ISG20: variants seen among roughly 807,000 people sequenced by gnomAD.
ISG20 encodes the protein interferon stimulated exonuclease gene 20, also known as interferon-stimulated gene 20 kDa protein.
A neutral mutation model predicts 11.1 loss-of-function variants in ISG20; 8 were observed. The ratio of observed to expected loss-of-function variants is 0.72; its 90% CI spans 0.42 to 1.30. The LOEUF (loss-of-function observed/expected upper bound fraction) is 1.30. Among genes scored for constraint, ISG20 ranks in the 50% most tolerant of loss-of-function variants. The pLI is 0.01. For synonymous variants in ISG20, 110 were observed against 101.7 expected (o/e 1.08, Z -0.49); for missense variants, 243 against 250.2 (o/e 0.97, Z 0.19).
At position 88,655,466 on chromosome 15, in the gene ISG20, C is replaced by T. The variant is rs768014767; in HGVS notation, c.481C>T (p.Leu161Phe). Residue 161 changes from leucine to phenylalanine, a missense_variant, in exon 4 of 4, where the codon CTC becomes TTC. By Grantham distance (22) the Leu-to-Phe change is conservative. Transcript: ENST00000306072. ...SVEDARATME[L>F]YQISQRIRAR... Reference sequence around the variant, plus strand: ...GGAAGATGCGAGGGCAACGATGGAGCTCTATCAAATCTCCCAGAGAATCCG... The same window carrying T: ...GGAAGATGCGAGGGCAACGATGGAGTTCTATCAAATCTCCCAGAGAATCCG... 3.7e-6 allele frequency: 6 copies of T among 1,613,912 alleles called. No individual in the cohort carries two copies. The highest frequency in any genetic ancestry group is 1.1e-5 in the South Asian group (1 of 91,088).
At chr15:88,653,523 C>T (rs2141407778) in intron 3 of ISG20, among the ~76,000 whole-genome samples, 1 of 152,248 alleles carries the variant, frequency 6.6e-6, no homozygotes, top group Middle Eastern at 3.4e-3. Flanking sequence ...ACATAAGGCA[C>T]ATAAGGGCCA....
chr15:88,636,399 A>C (rs565954211), upstream of ISG20: 1 of 152,310 alleles, frequency 6.6e-6, no homozygotes, highest in East Asian at 1.9e-4. Context: ...CACTTGAAAA[A>C]CAGTTCAGCT....
chr15:88,639,038 A>G lies in ISG20; in HGVS notation c.-63A>G, dbSNP rs2058032029. 2.3e-6 allele frequency: 1 copy of G among 436,628 alleles called. No individual in the cohort carries two copies. The highest frequency in any genetic ancestry group is 4.2e-6 in the Non-Finnish European group (1 of 240,776). The allele number at this position is 436,628 out of a possible 1,614,324, so 27.0% of individuals were successfully genotyped here. ...GCTGCAGTAGCTGAGCAGTGGCAGC[A>G]GAGAGGCAGACGTGAGCTGAGGGCG... On this transcript the variant is annotated 5_prime_UTR_variant, in exon 1 of 4. Transcript: ENST00000306072. This position sits in a 1 kb window ranked among gnomAD's most constrained non-coding sequence, Gnocchi z 4.2.
upstream of ISG20, chr15:88,637,386 A>T (rs1464615844): frequency 6.7e-6 from 1 of 149,952 alleles, no homozygotes. Flanking sequence ...TCTTGAGCAG[A>T]GAAGTGCCTC....
chr15:88,655,559 C>T lies in ISG20; in HGVS notation c.*28C>T. 1.3e-6 allele frequency: 2 copies of T among 1,549,740 alleles called. No homozygotes were observed. Among genetic ancestry groups the T allele is most frequent in the South Asian group, 2.3e-5 (2 of 86,650 alleles). ...CCCCATCCAGCCCGTTCCGCAGGGA[C>T]TAGAGGCTTTCGGCTTTTTGGGACA... On this transcript the variant is annotated 3_prime_UTR_variant, in exon 4 of 4. Transcript: ENST00000306072.
chr15:88,653,923 A>C, intron 3 of ISG20, among the ~76,000 whole-genome samples: 1 of 152,190 alleles, frequency 6.6e-6, no homozygotes, highest in South Asian at 2.1e-4. Context: ...CCTGCCATTT[A>C]TGAAGCCCTG....
At chr15:88,651,236 C>T in intron 2 of ISG20, 1 of 985,438 alleles carries the variant, frequency 1.0e-6, no homozygotes, top group Non-Finnish European at 1.2e-6. Flanking sequence ...CACTCCTCTG[C>T]ATTTCAGATA....
At position 88,650,250 on chromosome 15, in the gene ISG20, T is replaced by A; in HGVS notation, c.229-1860T>A. On this transcript the variant is annotated intron_variant, in intron 2 of 3. Transcript: ENST00000306072. The surrounding 1 kb of genome is among the most constrained non-coding windows in gnomAD (Gnocchi z 4.0). ...CTATTTTCAGGTCCCCTTCCCATCCTCTCCAACGGCAGCTGAGTGAAAGCA... is the reference window on the plus strand; with the variant it reads ...CTATTTTCAGGTCCCCTTCCCATCCACTCCAACGGCAGCTGAGTGAAAGCA... The A allele has an allele frequency of 1.3e-6, 2 of 1,535,562 alleles. No individual in the cohort carries two copies. The highest frequency in any genetic ancestry group is 8.7e-7 in the Non-Finnish European group (1 of 1,146,874).
At chr15:88,653,569 GCT>G (rs2058324100) in intron 3 of ISG20, among the ~76,000 whole-genome samples, 1 of 152,126 alleles carries the variant, frequency 6.6e-6, no homozygotes, top group South Asian at 2.1e-4. Context: ...CCGCTCTGTG[GCT>G]CTCAGTCTGG....
chr15:88,639,432 G>C lies in ISG20; in HGVS notation c.66G>C (p.Glu22Asp). 1 of 1,614,140 alleles carries C rather than the reference G, an allele frequency of 6.2e-7. No individual in the cohort carries two copies. Among genetic ancestry groups the C allele is most frequent in the Non-Finnish European group, 8.5e-7 (1 of 1,180,004 alleles). Residue 22 changes from glutamate to aspartate, a missense_variant, in exon 2 of 4, where the codon GAG (glutamate) becomes GAC (aspartate). Coordinates refer to ENST00000306072, the MANE Select transcript of ISG20 (RefSeq NM_002201.6). The surrounding 1 kb of genome is among the most constrained non-coding windows in gnomAD (Gnocchi z 4.2). ...TGGTGGGGCTGGGGCCCCACCGGGAGAGTGGCCTGGCTCGTTGCAGCCTCG... is the reference window on the plus strand; with the variant it reads ...TGGTGGGGCTGGGGCCCCACCGGGACAGTGGCCTGGCTCGTTGCAGCCTCG... ...CEMVGLGPHR[E>D]SGLARCSLVN...
At chr15:88,651,418 C>T (rs2058271459) in intron 2 of ISG20, 1 of 467,984 alleles carries the variant, frequency 2.1e-6, no homozygotes, top group South Asian at 9.0e-5. Flanking sequence ...ATCAAAGTGT[C>T]AGTGGGGCTA....
Position 88,650,394 on chromosome 15 carries a change from C to A in ISG20, c.229-1716C>A. ...TGGGCTGCTGGAGGCCTGGAGTGGTCGTTCACTCTTCTGGCTCAGTGTGGC... is the reference window on the plus strand; with the variant it reads ...TGGGCTGCTGGAGGCCTGGAGTGGTAGTTCACTCTTCTGGCTCAGTGTGGC... On this transcript the variant is annotated intron_variant, in intron 2 of 3. Transcript: ENST00000306072. The surrounding 1 kb of genome is among the most constrained non-coding windows in gnomAD (Gnocchi z 4.0). 1 of 1,524,550 alleles carries A rather than the reference C, an allele frequency of 6.6e-7. No individual in the cohort carries two copies. The highest frequency in any genetic ancestry group is 1.2e-5 in the South Asian group (1 of 82,510). 94.4% of individuals were successfully genotyped at this position (1,524,550 alleles called of 1,614,324 possible).
chr15:88,650,638 G>T lies in ISG20; in HGVS notation c.229-1472G>T. On this transcript the variant is annotated intron_variant, in intron 2 of 3. Coordinates refer to ENST00000306072, the MANE Select transcript of ISG20 (RefSeq NM_002201.6). This position sits in a 1 kb window ranked among gnomAD's most constrained non-coding sequence, Gnocchi z 4.0. ...TCAGTTAAGGCACCTTGAAGGCTGG[G>T]GGCTGGAACCATTGGAAGGTTTGCT... is the stretch of plus-strand genomic sequence containing the variant. 1 of 372,860 alleles carries T rather than the reference G, an allele frequency of 2.7e-6. No individual in the cohort carries two copies. The allele number at this position is 372,860 out of a possible 1,614,324, so 23.1% of individuals were successfully genotyped here.
At position 88,650,610 on chromosome 15, in the gene ISG20, C is replaced by G. The variant is rs561679671; in HGVS notation, c.229-1500C>G. 454 of 509,860 alleles carry G rather than the reference C, an allele frequency of 8.9e-4. 8 individuals are homozygous for G. The South Asian group carries it at 9.2e-3, about 10-fold the overall frequency. 31.6% of individuals were successfully genotyped at this position (509,860 alleles called of 1,614,324 possible). A position where few individuals can be genotyped will look rare whatever the true frequency, so the allele number is the denominator to read the frequency against. ...GGCAGGTGCTCTGCAGCAGGACAGG[C>G]CGTCAGTTAAGGCACCTTGAAGGCT... On this transcript the variant is annotated intron_variant, in intron 2 of 3. Transcript: ENST00000306072. This position sits in a 1 kb window ranked among gnomAD's most constrained non-coding sequence, Gnocchi z 4.0.
At chr15:88,649,967 T>G (rs1249131813) in intron 2 of ISG20, 1 of 474,064 alleles carries the variant, frequency 2.1e-6, no homozygotes. Flanking sequence ...ACATCTCCTC[T>G]CTGAGCCTCA....
intron 2 of ISG20, among the ~76,000 whole-genome samples, chr15:88,645,781 G>A (rs1045850192): frequency 1.3e-5 from 2 of 152,046 alleles, no homozygotes; most frequent in Non-Finnish European, 2.9e-5. Context: ...GCCCACCATC[G>A]CTGCCCCACT....
upstream of ISG20, chr15:88,637,525 G>A (rs988597798): frequency 2.0e-5 from 3 of 152,282 alleles, no homozygotes; most frequent in African/African-American, 4.8e-5. Flanking sequence ...GCACAGGCCA[G>A]GCAGGTGAGG....
intron 2 of ISG20, among the ~76,000 whole-genome samples, chr15:88,644,394 A>G (rs2058132675): frequency 6.6e-6 from 1 of 151,980 alleles, no homozygotes; most frequent in Non-Finnish European, 1.5e-5. Context: ...TTAGCTGGGC[A>G]TGGTGGCATG....
intron 3 of ISG20, among the ~76,000 whole-genome samples, chr15:88,653,669 G>C (rs2058326147): frequency 6.6e-6 from 1 of 152,122 alleles, no homozygotes; most frequent in African/African-American, 2.4e-5. Context: ...TACCCCACCA[G>C]GCAGCTCCTG....
Sources: gnomAD v4.1 joint callset for allele counts (sites outside exome capture counted in the v4.1 genomes callset) on GRCh38, gnomAD v4.1.1 for gene constraint, Gnocchi (gnomAD v3.1) non-coding constraint, MANE v1.5 for transcripts, NCBI Gene and HGNC (gene_info 2026-07-23, HGNC 2026-07-21) for gene names.